The following WDR7 variants were observed in gnomAD, a reference collection of about 807,000 sequenced individuals.
WDR7 encodes WD repeat domain 7, also known as WD repeat-containing protein 7.
A neutral mutation model predicts 169.4 loss-of-function variants in WDR7; 46 were observed. That is an observed-to-expected ratio of 0.27 (90% CI 0.21 to 0.35). The LOEUF (loss-of-function observed/expected upper bound fraction) is 0.35. WDR7 is among the 10% of genes least tolerant of loss of function. The probability of loss-of-function intolerance (pLI) is 1.00; values close to 1 mark genes in which losing one functional copy is unlikely to be tolerated. For missense variants in WDR7, 1,534 were observed against 1,859.3 expected (o/e 0.83, Z 3.22); for synonymous variants, 612 against 666.8 (o/e 0.92, Z 1.27).
intron 1 of WDR7, among the ~76,000 whole-genome samples, chr18:56,659,776 G>A (rs758244226): frequency 6.6e-6 from 1 of 152,106 alleles, no homozygotes. Context: ...ATATAGGATA[G>A]GCAGTTGTAT....
At chr18:56,691,502 T>C in intron 8 of WDR7, 141 bp downstream of exon 8, 1 of 1,106,626 alleles carries the variant, frequency 9.0e-7, no homozygotes. Flanking sequence ...AGTTAGATTT[T>C]TAATTCCAAT....
At chr18:56,881,622 ATTTTT>A (rs1267924232) in intron 21 of WDR7, among the ~76,000 whole-genome samples, 2 of 151,894 alleles carry the variant, frequency 1.3e-5, no homozygotes, top group African/African-American at 4.8e-5. Flanking sequence ...ATTTTATTTT[ATTTTT>A]TGAGACAGAG....
chr18:56,796,824 C>A (rs6566837), intron 19 of WDR7, among the ~76,000 whole-genome samples: 11,424 of 152,058 alleles, frequency 0.075, 1,059 homozygotes, highest in African/African-American at 0.22. Flanking sequence ...AAAAAGGAAA[C>A]GTCACCTTAA....
chr18:56,783,981 T>C (rs2044357007), intron 19 of WDR7, among the ~76,000 whole-genome samples: 1 of 152,308 alleles, frequency 6.6e-6, no homozygotes, highest in Middle Eastern at 3.4e-3. Flanking sequence ...GAATAAAATA[T>C]AAGTAAAATA....
intron 1 of WDR7, among the ~76,000 whole-genome samples, chr18:56,665,576 A>T (rs1023051968): frequency 1.3e-5 from 2 of 152,138 alleles, no homozygotes; most frequent in African/African-American, 4.8e-5. Flanking sequence ...TGTTTGTTTT[A>T]TATCTCATAC....
At chr18:56,902,859 C>T (rs2046421580) in intron 21 of WDR7, among the ~76,000 whole-genome samples, 1 of 152,204 alleles carries the variant, frequency 6.6e-6, no homozygotes, top group African/African-American at 2.4e-5. Flanking sequence ...TGACTCTCAT[C>T]ACTGTATCGA....
intron 20 of WDR7, among the ~76,000 whole-genome samples, chr18:56,821,640 A>C (rs1177134045): frequency 2.3e-5 from 3 of 128,072 alleles, no homozygotes; most frequent in Non-Finnish European, 4.9e-5. Context: ...TTCCCCCTGC[A>C]TACCCCTCCT....
intron 26 of WDR7, among the ~76,000 whole-genome samples, chr18:56,975,367 G>T (rs763771655): frequency 1.1e-4 from 17 of 152,250 alleles, no homozygotes; most frequent in Non-Finnish European, 1.6e-4. Flanking sequence ...TTAGCTGATG[G>T]TACATTCCAG....
At position 56,686,041 on chromosome 18, in the gene WDR7, A is replaced by C. The variant is rs372746500; in HGVS notation, c.597+9A>C. 4.4e-6 allele frequency: 7 copies of C among 1,585,846 alleles called. No homozygotes were observed. The highest frequency in any genetic ancestry group is 1.4e-5 in the African/African-American group (1 of 72,584). On this transcript the variant is annotated intron_variant, in intron 6 of 27. Coordinates refer to ENST00000254442, the MANE Select transcript of WDR7 (RefSeq NM_015285.3). ...AAATAAGTGACATGCAGGTGAGAAAAAGGAAACTGGGGTGATTTCTCTGTT... is the reference window on the plus strand; with the variant it reads ...AAATAAGTGACATGCAGGTGAGAAACAGGAAACTGGGGTGATTTCTCTGTT...
chr18:56,897,528 T>A (rs1197104760), intron 21 of WDR7, among the ~76,000 whole-genome samples: 2 of 151,650 alleles, frequency 1.3e-5, no homozygotes, highest in Non-Finnish European at 2.9e-5. Flanking sequence ...ACCACACAAC[T>A]CAGAACAATG....
At chr18:56,693,578 T>G (rs1187060455) in intron 9 of WDR7, among the ~76,000 whole-genome samples, 7 of 140,366 alleles carry the variant, frequency 5.0e-5, no homozygotes, top group African/African-American at 1.8e-4. Context: ...TTTTTGTTTT[T>G]TTTTTTTTTT....
chr18:56,705,599 G>A (rs528643499), intron 12 of WDR7, among the ~76,000 whole-genome samples: 1 of 152,308 alleles, frequency 6.6e-6, no homozygotes, highest in Admixed American at 6.5e-5. Context: ...AACAATTGAT[G>A]TTTTCCTGAC....
At chr18:57,001,826 C>T (rs74741598) in intron 26 of WDR7, among the ~76,000 whole-genome samples, 5,860 of 152,158 alleles carry the variant, frequency 0.039, 132 homozygotes, top group Non-Finnish European at 0.053. Context: ...CTTAGCATCA[C>T]GTTTATGTTT....
intron 20 of WDR7, among the ~76,000 whole-genome samples, chr18:56,834,753 T>G (rs888958231): frequency 3.8e-4 from 58 of 152,294 alleles, no homozygotes; most frequent in African/African-American, 1.3e-3. Context: ...CTGCTAAAAG[T>G]GGAATCGTTT....
intron 12 of WDR7, 47 bp from the exon 13 acceptor site, chr18:56,717,917 A>T (rs2026228272): frequency 1.3e-6 from 2 of 1,487,806 alleles, no homozygotes; most frequent in Admixed American, 2.4e-5. Context: ...GATCCATTTT[A>T]TTCTAAATTT....
At chr18:56,794,625 T>A (rs1379854619) in intron 19 of WDR7, among the ~76,000 whole-genome samples, 1 of 152,050 alleles carries the variant, frequency 6.6e-6, no homozygotes, top group African/African-American at 2.4e-5. Context: ...AGTCTATTTT[T>A]AAAAAGCCAA....
intron 25 of WDR7, among the ~76,000 whole-genome samples, chr18:56,943,305 T>C (rs1289009015): frequency 6.6e-6 from 1 of 152,208 alleles, no homozygotes; most frequent in East Asian, 1.9e-4. Flanking sequence ...TTCAGATATG[T>C]GATGTTTGTT....
chr18:56,977,817 T>C (rs1379320319), intron 26 of WDR7, among the ~76,000 whole-genome samples: 1 of 152,150 alleles, frequency 6.6e-6, no homozygotes, highest in Non-Finnish European at 1.5e-5. Flanking sequence ...AGAGTGGCCC[T>C]TTATAGTAGT....
chr18:56,845,720 A>G (rs956714474), intron 20 of WDR7, among the ~76,000 whole-genome samples: 11 of 152,192 alleles, frequency 7.2e-5, no homozygotes, highest in African/African-American at 2.7e-4. Context: ...CCAATTTAAA[A>G]TGGATTAGCT....
Sources: gnomAD v4.1 joint callset for allele counts (sites outside exome capture counted in the v4.1 genomes callset) on GRCh38, gnomAD v4.1.1 for gene constraint, MANE v1.5 for transcripts, NCBI Gene and HGNC (gene_info 2026-07-23, HGNC 2026-07-21) for gene names.